The following SNTG1 variants were observed in gnomAD, a reference collection of about 807,000 sequenced individuals.
SNTG1 encodes gamma-1-syntrophin.
Under a neutral mutation model 74.7 loss-of-function variants are expected in SNTG1, and 39 were observed. The observed-to-expected ratio is 0.52, with a 90% CI of 0.40 to 0.68. The LOEUF is 0.68. SNTG1 is among the 30% of genes least tolerant of loss of function. SNTG1 has a pLI of 0.00. For missense variants in SNTG1, 685 were observed against 609.5 expected (o/e 1.12, Z -1.30); for synonymous variants, 254 against 217.1 (o/e 1.17, Z -1.49).
chr8:50,430,568 G>C (rs562620289), intron 4 of SNTG1, among the ~76,000 whole-genome samples: 1 of 152,266 alleles, frequency 6.6e-6, no homozygotes, highest in Non-Finnish European at 1.5e-5. Flanking sequence ...GCCCCCACAT[G>C]CTGAAGAAGC....
At chr8:49,948,103 C>T (rs926637640) in intron 1 of SNTG1, among the ~76,000 whole-genome samples, 2 of 151,968 alleles carry the variant, frequency 1.3e-5, no homozygotes, top group African/African-American at 4.8e-5. Context: ...TGCACTCAAG[C>T]CTGGGTGACA....
intron 1 of SNTG1, among the ~76,000 whole-genome samples, chr8:50,100,965 T>C (rs2080099909): frequency 6.6e-6 from 1 of 152,082 alleles, no homozygotes; most frequent in Admixed American, 6.6e-5. Context: ...CCCTGGTGTC[T>C]GTTATTTTCT....
At chr8:50,686,828 AT>A (rs2039651314) in intron 15 of SNTG1, among the ~76,000 whole-genome samples, 1 of 152,190 alleles carries the variant, frequency 6.6e-6, no homozygotes, top group African/African-American at 2.4e-5. Context: ...CAAAAATTGC[AT>A]GACCTGCACA....
intron 13 of SNTG1, among the ~76,000 whole-genome samples, chr8:50,619,479 C>T (rs1450434492): frequency 1.3e-5 from 2 of 152,154 alleles, no homozygotes; most frequent in South Asian, 2.1e-4. Context: ...CGCCTGTAAT[C>T]CCAGCTCTTT....
intron 4 of SNTG1, among the ~76,000 whole-genome samples, chr8:50,408,960 C>T (rs753396927): frequency 2.2e-4 from 33 of 152,186 alleles, no homozygotes; most frequent in South Asian, 4.2e-4. Flanking sequence ...ACAGGGTCAG[C>T]GCCAGAAAAC....
At chr8:50,637,687 A>AT (rs2095047874) in intron 13 of SNTG1, among the ~76,000 whole-genome samples, 1 of 152,138 alleles carries the variant, frequency 6.6e-6, no homozygotes, top group Non-Finnish European at 1.5e-5. Flanking sequence ...TGAAGGAAAG[A>AT]TAGGTTACAT....
intron 15 of SNTG1, among the ~76,000 whole-genome samples, chr8:50,660,542 AG>A (rs11306079): frequency 0.34 from 50,271 of 149,968 alleles, 11,271 homozygotes; most frequent in African/African-American, 0.64. Context: ...AAGGAAGGAA[AG>A]AAAACTGCCT....
At chr8:50,780,144 G>A (rs1430174523) in intron 18 of SNTG1, among the ~76,000 whole-genome samples, 2 of 152,152 alleles carry the variant, frequency 1.3e-5, no homozygotes, top group African/African-American at 2.4e-5. Flanking sequence ...TGTTCATCAA[G>A]GATATTGGTC....
intron 2 of SNTG1, among the ~76,000 whole-genome samples, chr8:50,379,706 C>A (rs576610635): frequency 6.6e-6 from 1 of 152,352 alleles, no homozygotes; most frequent in East Asian, 1.9e-4. Context: ...TCTCAGTAAT[C>A]CCAAGGACTA....
chr8:50,590,560 G>T (rs1382001381), intron 12 of SNTG1, among the ~76,000 whole-genome samples: 1 of 152,020 alleles, frequency 6.6e-6, no homozygotes, highest in East Asian at 1.9e-4. Flanking sequence ...ATAAACCACA[G>T]AAAGTTACAC....
intron 2 of SNTG1, among the ~76,000 whole-genome samples, chr8:50,177,246 T>C (rs2131687930): frequency 6.6e-6 from 1 of 152,264 alleles, no homozygotes; most frequent in Non-Finnish European, 1.5e-5. Flanking sequence ...AGAGGTAGTG[T>C]CTCCCTGAGA....
chr8:50,497,683 C>T (rs772542127), intron 8 of SNTG1, among the ~76,000 whole-genome samples: 8 of 152,008 alleles, frequency 5.3e-5, no homozygotes, highest in Non-Finnish European at 7.4e-5. Flanking sequence ...ACATAGAATA[C>T]CCACCAACAC....
intron 2 of SNTG1, among the ~76,000 whole-genome samples, chr8:50,369,992 A>C (rs145909670): frequency 6.6e-6 from 1 of 152,272 alleles, no homozygotes; most frequent in East Asian, 1.9e-4. Flanking sequence ...TGATCTGGCC[A>C]TAGAGATATG....
chr8:50,056,019 G>T (rs532901822), intron 1 of SNTG1, among the ~76,000 whole-genome samples: 1 of 152,116 alleles, frequency 6.6e-6, no homozygotes, highest in South Asian at 2.1e-4. Flanking sequence ...AGTTCCAAAC[G>T]GAGGGAAAAA....
chr8:50,542,475 C>G (rs991957595), intron 11 of SNTG1, among the ~76,000 whole-genome samples: 3 of 152,080 alleles, frequency 2.0e-5, no homozygotes, highest in African/African-American at 7.2e-5. Context: ...ACTACACTTT[C>G]TTTAGCCATT....
intron 2 of SNTG1, among the ~76,000 whole-genome samples, chr8:50,300,008 C>T (rs2089575626): frequency 6.6e-6 from 1 of 152,128 alleles, no homozygotes; most frequent in Non-Finnish European, 1.5e-5. Flanking sequence ...CACATATTTT[C>T]AATTATTATA....
chr8:50,423,146 A>G (rs1403904725), intron 4 of SNTG1, among the ~76,000 whole-genome samples: 2 of 152,220 alleles, frequency 1.3e-5, no homozygotes, highest in Non-Finnish European at 2.9e-5. Context: ...ATGGAAATCC[A>G]TACAGTGTGT....
chr8:50,715,174 A>G (rs141067915), intron 17 of SNTG1, among the ~76,000 whole-genome samples: 33 of 152,226 alleles, frequency 2.2e-4, no homozygotes, highest in African/African-American at 7.7e-4. Flanking sequence ...TCCTGCTGCA[A>G]CTCGGGAGTC....
intron 1 of SNTG1, among the ~76,000 whole-genome samples, chr8:49,961,687 C>T (rs1274921006): frequency 6.6e-6 from 1 of 152,188 alleles, no homozygotes; most frequent in African/African-American, 2.4e-5. Flanking sequence ...TAAAAGAGAA[C>T]AATGGTAGCT....
Sources: allele counts gnomAD v4.1 joint callset (sites outside exome capture counted in the v4.1 genomes callset), GRCh38; gene constraint gnomAD v4.1.1; transcripts MANE v1.5; gene names NCBI Gene and HGNC (gene_info 2026-07-23, HGNC 2026-07-21).